Variants in DLGAP2 observed in about 807,000 individuals in gnomAD.
DLGAP2 encodes the protein disks large-associated protein 2.
Under a neutral mutation model 100.3 loss-of-function variants are expected in DLGAP2, and 26 were observed. The ratio of observed to expected loss-of-function variants is 0.26; its 90% CI spans 0.19 to 0.36. The LOEUF is 0.36. Ranked by LOEUF, DLGAP2 falls within the 10% of genes least tolerant of loss-of-function variation. The pLI, the probability that DLGAP2 is intolerant of heterozygous loss-of-function variation, is 1.00. For missense variants in DLGAP2, 1,858 were observed against 1,453.2 expected, an observed-to-expected ratio of 1.28 and a Z score of -4.53; for synonymous variants, 886 against 630.1, an observed-to-expected ratio of 1.41 and a Z score of -6.08.
At chr8:1,269,348 GA>G (rs1385956223) in intron 3 of DLGAP2, among the ~76,000 whole-genome samples, 2 of 152,306 alleles carry the variant, frequency 1.3e-5, no homozygotes, top group African/African-American at 4.8e-5. Flanking sequence ...GGACCTGCTG[GA>G]AAGACCGCCC....
At chr8:1,418,860 G>T (rs965274117) in intron 3 of DLGAP2, among the ~76,000 whole-genome samples, 9 of 152,210 alleles carry the variant, frequency 5.9e-5, no homozygotes, top group African/African-American at 1.9e-4. Context: ...CTGGCTTCTG[G>T]CCCGCTGGCT....
At chr8:1,196,898 G>T (rs1016275944) in intron 2 of DLGAP2, among the ~76,000 whole-genome samples, 4 of 152,234 alleles carry the variant, frequency 2.6e-5, no homozygotes, top group Non-Finnish European at 1.5e-5. Flanking sequence ...TTTATTATGG[G>T]AATTGGTCGC....
At chr8:1,136,139 G>A (rs1467255120) in intron 2 of DLGAP2, among the ~76,000 whole-genome samples, 1 of 152,162 alleles carries the variant, frequency 6.6e-6, no homozygotes, top group Non-Finnish European at 1.5e-5. Flanking sequence ...CTGCCAGGTA[G>A]AAGTAGTGAG....
chr8:942,233 G>A (rs934973400), intron 2 of DLGAP2, among the ~76,000 whole-genome samples: 1 of 152,206 alleles, frequency 6.6e-6, no homozygotes, highest in Admixed American at 6.5e-5. Context: ...ACAGGCAGGA[G>A]CCAATGGGCC....
chr8:1,356,833 A>T (rs62487409), intron 3 of DLGAP2, among the ~76,000 whole-genome samples: 1 of 152,122 alleles, frequency 6.6e-6, no homozygotes, highest in Non-Finnish European at 1.5e-5. Context: ...CCACGATGTA[A>T]CACTACAGTA....
At chr8:1,279,345 C>T (rs942846376) in intron 3 of DLGAP2, among the ~76,000 whole-genome samples, 1 of 152,180 alleles carries the variant, frequency 6.6e-6, no homozygotes, top group Non-Finnish European at 1.5e-5. Context: ...GAATGAAGCT[C>T]TGTTTGGCAC....
intron 3 of DLGAP2, among the ~76,000 whole-genome samples, chr8:1,454,904 C>A (rs765067405): frequency 3.3e-5 from 5 of 152,168 alleles, no homozygotes; most frequent in Admixed American, 2.6e-4. Context: ...ACAGGATGAC[C>A]TGATGGCCAG....
chr8:1,690,320 C>T (rs1799225743), intron 12 of DLGAP2, among the ~76,000 whole-genome samples: 1 of 151,850 alleles, frequency 6.6e-6, no homozygotes, highest in Non-Finnish European at 1.5e-5. Flanking sequence ...GACGCCACTG[C>T]AGTCCAGCCT....
At chr8:1,433,173 G>A (rs146430945) in intron 3 of DLGAP2, among the ~76,000 whole-genome samples, 3 of 152,352 alleles carry the variant, frequency 2.0e-5, no homozygotes, top group East Asian at 1.9e-4. Flanking sequence ...CTCCAGGAAC[G>A]TGCGGGACTT....
intron 3 of DLGAP2, among the ~76,000 whole-genome samples, chr8:1,360,697 C>T (rs997492312): frequency 6.6e-6 from 1 of 152,118 alleles, no homozygotes; most frequent in African/African-American, 2.4e-5. Context: ...CACCACACCG[C>T]CCCCACCATG....
chr8:1,419,201 C>CGT lies in DLGAP2; in HGVS notation c.107-82163_107-82162dup, dbSNP rs1159906851. Among the ~76,000 whole-genome samples the CGT allele has an allele frequency of 1.6e-3, 212 of 133,436 alleles. 1 individual carries two copies. Among genetic ancestry groups the CGT allele is most frequent in the African/African-American group, 6.3e-3 (201 of 32,086 alleles). The allele number at this position is 133,436 out of a possible 152,430, so 87.5% of individuals were successfully genotyped here. ...TGGGATACTGTGTTACACTCTGATG[C>CGT]GTGCGTGTGTGTGTGTGTGTGTGTG... On this transcript the variant is annotated intron_variant, in intron 3 of 14. Coordinates refer to ENST00000637795, the MANE Select transcript of DLGAP2 (RefSeq NM_001346810.2).
chr8:1,648,236 G>C (rs1477380096), intron 8 of DLGAP2, among the ~76,000 whole-genome samples: 1 of 152,142 alleles, frequency 6.6e-6, no homozygotes, highest in Non-Finnish European at 1.5e-5. Context: ...ACTCCACTGT[G>C]CTCGGCTGTT....
intron 3 of DLGAP2, among the ~76,000 whole-genome samples, chr8:1,443,247 C>T (rs187222925): frequency 1.1e-4 from 16 of 152,160 alleles, no homozygotes; most frequent in East Asian, 1.9e-4. Context: ...CACAGATAAT[C>T]GCAGGTAACA....
At chr8:1,334,806 C>T (rs1255448195) in intron 3 of DLGAP2, among the ~76,000 whole-genome samples, 2 of 152,108 alleles carry the variant, frequency 1.3e-5, no homozygotes, top group Non-Finnish European at 2.9e-5. Context: ...CATGTGTTGA[C>T]ACGCTGTAAA....
chr8:1,169,358 G>A lies in DLGAP2; in HGVS notation c.74-89493G>A, dbSNP rs187428081. Among the ~76,000 whole-genome samples, 111 of 152,208 alleles carry A rather than the reference G, an allele frequency of 7.3e-4. 1 individual carries two copies. The highest frequency in any genetic ancestry group is 3.3e-3 in the Admixed American group (51 of 15,266). On this transcript the variant is annotated intron_variant, in intron 2 of 14. Transcript: ENST00000637795. The stretch of plus-strand genomic sequence containing the variant: ...TCTTTTGGCTTAGGATTGACTTGGC[G>A]ATGCGGGCTCTTTCTTGGTTCCATA...
chr8:875,510 C>G (rs989733900), intron 1 of DLGAP2, among the ~76,000 whole-genome samples: 2 of 152,206 alleles, frequency 1.3e-5, no homozygotes, highest in African/African-American at 2.4e-5. Context: ...TCATTCTTCT[C>G]CTTTCTGCTG....
intron 1 of DLGAP2, among the ~76,000 whole-genome samples, chr8:891,970 C>T (rs1461946504): frequency 1.3e-5 from 2 of 152,232 alleles, no homozygotes; most frequent in African/African-American, 2.4e-5. Context: ...TTTCCTGTAA[C>T]ACTGCACGTA....
chr8:804,540 G>C (rs1466664137), intron 1 of DLGAP2, among the ~76,000 whole-genome samples: 1 of 152,160 alleles, frequency 6.6e-6, no homozygotes, highest in Non-Finnish European at 1.5e-5. Context: ...GCTATGGTTT[G>C]CTCTGTGTTC....
intron 1 of DLGAP2, among the ~76,000 whole-genome samples, chr8:799,923 T>G (rs1303964800): frequency 6.6e-6 from 1 of 152,208 alleles, no homozygotes; most frequent in Non-Finnish European, 1.5e-5. Context: ...TAAAAGGGCT[T>G]AAGTCTCATG....
Sources: allele counts gnomAD v4.1 joint callset (sites outside exome capture counted in the v4.1 genomes callset), GRCh38; gene constraint gnomAD v4.1.1; transcripts MANE v1.5; gene names NCBI Gene and HGNC (gene_info 2026-07-23, HGNC 2026-07-21).